ARHGEF38: variants seen among roughly 807,000 people sequenced by gnomAD.
ARHGEF38 encodes Rho guanine nucleotide exchange factor 38, also known as Rho guanine nucleotide exchange factor (GEF) 38.
A neutral mutation model predicts 79.9 loss-of-function variants in ARHGEF38; 79 were observed. The ratio of observed to expected loss-of-function variants is 0.99; its 90% CI spans 0.82 to 1.19. The LOEUF (loss-of-function observed/expected upper bound fraction) is 1.19, where lower values mean the gene tolerates loss of function less well. ARHGEF38 is among the 50% of genes most tolerant of loss of function. ARHGEF38 has a pLI of 0.00. For missense variants in ARHGEF38, 962 were observed against 907.2 expected (o/e 1.06, Z -0.78); for synonymous variants, 366 against 328.3 (o/e 1.11, Z -1.24).
At chr4:105,668,339 G>A (rs941944956) in intron 13 of ARHGEF38, among the ~76,000 whole-genome samples, 12 of 151,980 alleles carry the variant, frequency 7.9e-5, no homozygotes, top group African/African-American at 2.7e-4. Context: ...ACGTCACCAC[G>A]CCTGGCTAAT....
intron 2 of ARHGEF38, among the ~76,000 whole-genome samples, chr4:105,605,411 T>C (rs952607444): frequency 6.6e-6 from 1 of 152,100 alleles, no homozygotes; most frequent in African/African-American, 2.4e-5. Context: ...CATGCTGAGA[T>C]TTCTGTTCCA....
rs142807745 is a variant in ARHGEF38 at position 105,554,953 on chromosome 4, G to A, written c.196+1992G>A. ...TTATCCCTAATGACATGTTTTTTCT[G>A]TCTGAGTTTCACTAATTCAGCATCT... On this transcript the variant is annotated intron_variant, in intron 1 of 13. Transcript: ENST00000420470. Among the ~76,000 whole-genome samples the A allele has an allele frequency of 2.8e-3, 427 of 151,744 alleles. 2 individuals carry two copies. The highest frequency in any genetic ancestry group is 9.9e-3 in the African/African-American group (411 of 41,320).
At chr4:105,664,917 C>T (rs2110573472) in intron 10 of ARHGEF38, among the ~76,000 whole-genome samples, 1 of 152,260 alleles carries the variant, frequency 6.6e-6, no homozygotes, top group African/African-American at 2.4e-5. Flanking sequence ...TTCCCCCATT[C>T]TAATTTCCTA....
chr4:105,662,136 G>GTAAT (rs1205698693), intron 10 of ARHGEF38, among the ~76,000 whole-genome samples: 2 of 152,150 alleles, frequency 1.3e-5, no homozygotes, highest in African/African-American at 4.8e-5. Flanking sequence ...GGTTTCAAGT[G>GTAAT]TAATTTTAAT....
chr4:105,615,427 T>C (rs527491041), intron 3 of ARHGEF38, among the ~76,000 whole-genome samples: 1 of 152,172 alleles, frequency 6.6e-6, no homozygotes, highest in African/African-American at 2.4e-5. Flanking sequence ...CTAAGGGAGA[T>C]ACAGTGAAAA....
intron 13 of ARHGEF38, among the ~76,000 whole-genome samples, chr4:105,673,328 G>T (rs1731016053): frequency 6.6e-6 from 1 of 152,112 alleles, no homozygotes; most frequent in African/African-American, 2.4e-5. Flanking sequence ...AAAGGACTAG[G>T]TTTAATAACG....
intron 1 of ARHGEF38, among the ~76,000 whole-genome samples, chr4:105,577,633 T>C (rs1297632417): frequency 2.0e-5 from 3 of 152,104 alleles, no homozygotes; most frequent in African/African-American, 7.2e-5. Context: ...TCAGGGTTCC[T>C]ATTTCTTCCT....
In ARHGEF38 at chr4:105,633,496, C is replaced by A. The variant is rs1384487937; in HGVS notation, c.656+2451C>A. On this transcript the variant is annotated intron_variant, in intron 4 of 13. Transcript: ENST00000420470. The stretch of plus-strand genomic sequence containing the variant: ...CTGTCACTCTGCCTTTTCCTTGTGG[C>A]TAGATAACACAGCCCAAGTGCAGTT... Among the ~76,000 whole-genome samples the A allele has an allele frequency of 2.6e-5, 4 of 152,118 alleles. No homozygotes were observed. In the East Asian group the frequency reaches 7.7e-4, roughly 29 times the overall value.
chr4:105,591,380 C>A (rs1379091801), intron 2 of ARHGEF38, among the ~76,000 whole-genome samples: 2 of 152,156 alleles, frequency 1.3e-5, no homozygotes, highest in Non-Finnish European at 2.9e-5. Context: ...AGGTGACTGC[C>A]ACCACACCCG....
chr4:105,565,224 C>G (rs1445742415), intron 1 of ARHGEF38, among the ~76,000 whole-genome samples: 2 of 152,160 alleles, frequency 1.3e-5, no homozygotes, highest in African/African-American at 4.8e-5. Context: ...CTTTCAAATT[C>G]AGAGTCTCAG....
chr4:105,564,162 T>C (rs1230129087), intron 1 of ARHGEF38, among the ~76,000 whole-genome samples: 1 of 152,204 alleles, frequency 6.6e-6, no homozygotes. Flanking sequence ...CAGGAGATTT[T>C]ACAGACAATC....
chr4:105,601,020 A>G (rs147800776), intron 2 of ARHGEF38, among the ~76,000 whole-genome samples: 1 of 152,048 alleles, frequency 6.6e-6, no homozygotes, highest in African/African-American at 2.4e-5. Flanking sequence ...TTCTTCCTCT[A>G]CCCTGTTTCA....
chr4:105,630,779 C>A, intron 3 of ARHGEF38, 119 bp from the exon 4 acceptor site: 1 of 760,874 alleles, frequency 1.3e-6, no homozygotes, highest in Non-Finnish European at 2.0e-6. Flanking sequence ...CCTGAATAAC[C>A]TGGGGATAAA....
chr4:105,676,299 T>G (rs1289820770), intron 13 of ARHGEF38, among the ~76,000 whole-genome samples: 1 of 152,204 alleles, frequency 6.6e-6, no homozygotes, highest in Non-Finnish European at 1.5e-5. Context: ...TATTCATGCC[T>G]TTTGTCAGCT....
chr4:105,677,724 C>T, intron 13 of ARHGEF38, 28 bp from the exon 14 acceptor site: 1 of 1,385,140 alleles, frequency 7.2e-7, no homozygotes, highest in South Asian at 1.7e-5. Context: ...GTTCCAATTC[C>T]AATAATGTCT....
intron 10 of ARHGEF38, among the ~76,000 whole-genome samples, chr4:105,662,877 T>C (rs1578359616): frequency 6.6e-6 from 1 of 152,172 alleles, no homozygotes; most frequent in Admixed American, 6.5e-5. Context: ...TTTTAAATTA[T>C]CTGAGTATCT....
intron 1 of ARHGEF38, among the ~76,000 whole-genome samples, chr4:105,579,378 G>C (rs912176909): frequency 3.9e-5 from 6 of 151,976 alleles, no homozygotes; most frequent in Non-Finnish European, 7.4e-5. Flanking sequence ...TGTCATAGAT[G>C]GCTCTTATTA....
At chr4:105,627,454 CAT>C (rs1267165353) in intron 3 of ARHGEF38, among the ~76,000 whole-genome samples, 1 of 152,112 alleles carries the variant, frequency 6.6e-6, no homozygotes, top group African/African-American at 2.4e-5. Context: ...CAAATTGAAA[CAT>C]AGGAGTCATG....
At chr4:105,668,738 G>C (rs1730858422) in intron 13 of ARHGEF38, among the ~76,000 whole-genome samples, 1 of 152,060 alleles carries the variant, frequency 6.6e-6, no homozygotes, top group South Asian at 2.1e-4. Flanking sequence ...AGTTAAAATA[G>C]TAGAAAAGCA....
Sources: allele counts gnomAD v4.1 joint callset (sites outside exome capture counted in the v4.1 genomes callset), GRCh38; gene constraint gnomAD v4.1.1; transcripts MANE v1.5; gene names NCBI Gene and HGNC (gene_info 2026-07-23, HGNC 2026-07-21).